CADM2: variants seen among roughly 807,000 people sequenced by gnomAD.
The protein encoded by CADM2 is immunoglobulin superfamily member 4D.
In CADM2, 12 loss-of-function variants were observed where a neutral mutation model predicts 49.8. The observed-to-expected ratio is 0.24, with a 90% CI of 0.15 to 0.39. The LOEUF is 0.39. Ranked by LOEUF, CADM2 falls within the 10% of genes least tolerant of loss-of-function variation. CADM2 has a pLI of 1.00. For synonymous variants in CADM2, 214 were observed against 175.4 expected (o/e 1.22, Z -1.74); for missense variants, 378 against 492.3 (o/e 0.77, Z 2.20).
intron 2 of CADM2, among the ~76,000 whole-genome samples, chr3:85,748,957 G>A (rs762675632): frequency 1.3e-5 from 2 of 151,988 alleles, no homozygotes; most frequent in Non-Finnish European, 2.9e-5. Flanking sequence ...TAAGTTGAAA[G>A]CTACAAGATA....
rs117627010 is a variant in CADM2 at position 85,076,437 on chromosome 3, T to A, written c.61+116769T>A. Among the ~76,000 whole-genome samples the A allele has an allele frequency of 2.4e-3, 359 of 151,586 alleles. 5 individuals carry two copies. Among genetic ancestry groups the A allele is most frequent in the East Asian group, 0.023 (115 of 5,040 alleles). ...GTATCAGCTCACGGCAACCTCCGCC[T>A]CCAGAGTTGAAGCCATTCTCCTACC... is the stretch of plus-strand genomic sequence containing the variant. On this transcript the variant is annotated intron_variant, in intron 1 of 9. Coordinates refer to ENST00000383699, the MANE Select transcript of CADM2 (RefSeq NM_001167675.2).
intron 1 of CADM2, among the ~76,000 whole-genome samples, chr3:85,087,335 CTG>C (rs918602200): frequency 4.6e-4 from 70 of 152,102 alleles, no homozygotes; most frequent in African/African-American, 1.7e-3. Context: ...ATCTTTTCAT[CTG>C]GATATATTTG....
chr3:85,834,289 G>A (rs761783220), intron 3 of CADM2, among the ~76,000 whole-genome samples: 46 of 151,476 alleles, frequency 3.0e-4, no homozygotes, highest in Non-Finnish European at 5.3e-4. Flanking sequence ...TATAAATCTC[G>A]AAAATGCAAG....
intron 1 of CADM2, among the ~76,000 whole-genome samples, chr3:84,981,043 T>G (rs2107135112): frequency 6.6e-6 from 1 of 152,048 alleles, no homozygotes; most frequent in East Asian, 1.9e-4. Flanking sequence ...TAGTTACATA[T>G]GTATACATGT....
intron 1 of CADM2, among the ~76,000 whole-genome samples, chr3:85,421,297 A>C (rs1015516472): frequency 3.3e-5 from 5 of 152,174 alleles, no homozygotes; most frequent in African/African-American, 9.7e-5. Context: ...AGTGTTAAAA[A>C]TGATCATCAT....
At chr3:84,987,579 T>C (rs1486724090) in intron 1 of CADM2, among the ~76,000 whole-genome samples, 2 of 152,146 alleles carry the variant, frequency 1.3e-5, no homozygotes. Flanking sequence ...ATTTTACTCC[T>C]ATTCTGCTGC....
Position 85,498,939 on chromosome 3 carries a change from G to T in CADM2, c.62-227583G>T, listed in dbSNP as rs143679740. 2.2e-3 allele frequency among the ~76,000 whole-genome samples: 340 copies of T among 152,132 alleles called. 2 individuals carry two copies. The highest frequency in any genetic ancestry group is 7.6e-3 in the African/African-American group (316 of 41,494). ...AGAGTCCAGTATGTGAATAAATAAC[G>T]TTAAGAATTGACATTTGCGTAATGT... On this transcript the variant is annotated intron_variant, in intron 1 of 9. Coordinates refer to ENST00000383699, the MANE Select transcript of CADM2 (RefSeq NM_001167675.2).
At chr3:85,908,307 C>T (rs1392802324) in intron 5 of CADM2, among the ~76,000 whole-genome samples, 1 of 111,494 alleles carries the variant, frequency 9.0e-6, no homozygotes, top group East Asian at 2.9e-4. Context: ...TTTAAACTTA[C>T]TTATTTTGGG....
intron 8 of CADM2, chr3:86,014,770 G>A: frequency 1.4e-6 from 2 of 1,478,638 alleles, no homozygotes; most frequent in Non-Finnish European, 1.8e-6. Flanking sequence ...CTTCACTGTT[G>A]GAGAATCAAA....
intron 1 of CADM2, among the ~76,000 whole-genome samples, chr3:85,510,589 G>C (rs761481590): frequency 6.5e-4 from 98 of 151,696 alleles, no homozygotes; most frequent in Middle Eastern, 3.4e-3. Context: ...TGTTTTGTTT[G>C]AGCTTTACGA....
At chr3:85,401,450 C>A (rs1221483039) in intron 1 of CADM2, among the ~76,000 whole-genome samples, 1 of 151,982 alleles carries the variant, frequency 6.6e-6, no homozygotes, top group Non-Finnish European at 1.5e-5. Flanking sequence ...GGGTGGGAGA[C>A]CCATCCCAGC....
intron 5 of CADM2, among the ~76,000 whole-genome samples, chr3:85,910,412 A>G (rs1236373123): frequency 2.6e-5 from 4 of 152,116 alleles, no homozygotes; most frequent in Non-Finnish European, 5.9e-5. Flanking sequence ...GAACCTTATA[A>G]TATTTTAAAT....
At chr3:85,460,712 G>T (rs1406269478) in intron 1 of CADM2, among the ~76,000 whole-genome samples, 1 of 148,994 alleles carries the variant, frequency 6.7e-6, no homozygotes, top group Non-Finnish European at 1.5e-5. Context: ...TTATTTTCGT[G>T]TGTGGGTGGG....
Position 85,032,056 on chromosome 3 carries a change from GTTTCTC to G in CADM2, c.61+72394_61+72399del, listed in dbSNP as rs1355451785. On this transcript the variant is annotated intron_variant, in intron 1 of 9. Transcript: ENST00000383699. ...TATGTGTTTTATTAATTTTCAGGAT[GTTTCTC>G]TTTCTATCAGTACTGAGTTCCCTAA... Among the ~76,000 whole-genome samples, 4 of 152,072 alleles carry G rather than the reference GTTTCTC, an allele frequency of 2.6e-5. No individual in the cohort carries two copies. The East Asian group carries it at 7.7e-4, about 29-fold the overall frequency.
Position 85,921,127 on chromosome 3 carries a change from G to A in CADM2, c.700+8584G>A, listed in dbSNP as rs574382725. Among the ~76,000 whole-genome samples the A allele has an allele frequency of 1.4e-4, 21 of 151,896 alleles. 1 individual carries two copies. Among genetic ancestry groups the A allele is most frequent in the Middle Eastern group, 6.8e-3 (2 of 294 alleles). On this transcript the variant is annotated intron_variant, in intron 6 of 9. Transcript: ENST00000383699. ...AATGAGACATAAATGACCGTGACAA[G>A]TAAAAATATCATATACATCTTGTTA...
rs181551121 is a variant in CADM2 at position 85,460,440 on chromosome 3, G to T, written c.62-266082G>T. 9.2e-5 allele frequency among the ~76,000 whole-genome samples: 14 copies of T among 152,194 alleles called. No homozygotes were observed. In the East Asian group the frequency reaches 2.5e-3, roughly 27 times the overall value. On this transcript the variant is annotated intron_variant, in intron 1 of 9. Transcript: ENST00000383699. ...ATCTATAATTAAAAGACCTCCAAAA[G>T]CTATTTTTAAACTGCCTTCCTTGCA...
At chr3:86,043,958 G>T (rs899964316) in intron 8 of CADM2, among the ~76,000 whole-genome samples, 3 of 152,070 alleles carry the variant, frequency 2.0e-5, no homozygotes, top group African/African-American at 7.2e-5. Context: ...CAAGAAATGG[G>T]GAAACGGTTC....
At chr3:85,795,446 A>G (rs1327503197) in intron 2 of CADM2, among the ~76,000 whole-genome samples, 1 of 152,162 alleles carries the variant, frequency 6.6e-6, no homozygotes, top group Non-Finnish European at 1.5e-5. Context: ...TATTGGGAAA[A>G]ACTAAGTTAT....
intron 1 of CADM2, among the ~76,000 whole-genome samples, chr3:85,239,714 T>C (rs879729247): frequency 6.6e-6 from 1 of 151,396 alleles, no homozygotes; most frequent in Non-Finnish European, 1.5e-5. Flanking sequence ...AGACATTTTT[T>C]AAAAATAGAT....
Sources: allele counts gnomAD v4.1 joint callset (sites outside exome capture counted in the v4.1 genomes callset), GRCh38; gene constraint gnomAD v4.1.1; transcripts MANE v1.5; gene names NCBI Gene and HGNC (gene_info 2026-07-23, HGNC 2026-07-21).